The following SHANK2 variants were observed in gnomAD, a reference collection of about 807,000 sequenced individuals.
SHANK2 encodes the protein SH3 and multiple ankyrin repeat domains 2.
In SHANK2, 43 loss-of-function variants were observed where a neutral mutation model predicts 133.7. The ratio of observed to expected loss-of-function variants is 0.32; its 90% CI spans 0.25 to 0.41. SHANK2 has a LOEUF of 0.41. Ranked by LOEUF, SHANK2 falls within the 10% of genes least tolerant of loss-of-function variation. The pLI, the probability that SHANK2 is intolerant of heterozygous loss-of-function variation, is 1.00. For missense variants in SHANK2, 1,994 were observed against 2,235.8 expected, an observed-to-expected ratio of 0.89 and a Z score of 2.18; for synonymous variants, 1,017 against 952.8, an observed-to-expected ratio of 1.07 and a Z score of -1.24.
intron 2 of SHANK2, among the ~76,000 whole-genome samples, chr11:71,155,949 T>G (rs1161945487): frequency 4.6e-5 from 7 of 152,172 alleles, no homozygotes; most frequent in Non-Finnish European, 1.0e-4. Flanking sequence ...CCACAAGGTC[T>G]TACAGGTGGG....
At chr11:70,774,217 C>T (rs782596650) in intron 14 of SHANK2, among the ~76,000 whole-genome samples, 9 of 152,150 alleles carry the variant, frequency 5.9e-5, no homozygotes, top group Non-Finnish European at 1.3e-4. Flanking sequence ...AAGGACCCCA[C>T]ATGGATGATC....
chr11:71,196,628 G>C (rs1209170176), intron 2 of SHANK2, among the ~76,000 whole-genome samples: 1 of 151,860 alleles, frequency 6.6e-6, no homozygotes, highest in African/African-American at 2.4e-5. Flanking sequence ...GACTAGCAAG[G>C]TCCTAGAAAT....
At chr11:70,651,091 G>T (rs1008880880) in intron 17 of SHANK2, among the ~76,000 whole-genome samples, 1 of 152,200 alleles carries the variant, frequency 6.6e-6, no homozygotes, top group African/African-American at 2.4e-5. Context: ...GCAGAGCCTG[G>T]ATTCAAACCT....
chr11:70,605,510 CCA>C (rs1487624117), intron 17 of SHANK2, among the ~76,000 whole-genome samples: 1 of 152,236 alleles, frequency 6.6e-6, no homozygotes, highest in African/African-American at 2.4e-5. Flanking sequence ...CACGCTGGGA[CCA>C]CAGAGCCATG....
At chr11:70,926,485 A>G (rs1193931242) in intron 10 of SHANK2, among the ~76,000 whole-genome samples, 1 of 152,202 alleles carries the variant, frequency 6.6e-6, no homozygotes, top group African/African-American at 2.4e-5. Flanking sequence ...ACTATGACTC[A>G]GACATGAATG....
intron 14 of SHANK2, among the ~76,000 whole-genome samples, chr11:70,707,388 A>T (rs561941385): frequency 0.012 from 1,763 of 150,410 alleles, 53 homozygotes; most frequent in African/African-American, 0.041. Context: ...AAAAAAAAAA[A>T]AAAAAAAAAG....
chr11:71,102,128 G>A (rs1555096742), intron 6 of SHANK2, among the ~76,000 whole-genome samples: 2 of 152,150 alleles, frequency 1.3e-5, no homozygotes, highest in Non-Finnish European at 2.9e-5. Flanking sequence ...AAGATAAAAG[G>A]GCCAACCTAA....
At chr11:70,878,111 G>A (rs1246136358) in intron 11 of SHANK2, among the ~76,000 whole-genome samples, 2 of 152,228 alleles carry the variant, frequency 1.3e-5, no homozygotes, top group African/African-American at 4.8e-5. Flanking sequence ...ACACAGGAAG[G>A]AAGGTGTCGC....
Position 70,569,467 on chromosome 11 carries a change from T to C in SHANK2, c.2062-66536A>G, listed in dbSNP as rs2060015380. On this transcript the variant is annotated intron_variant, in intron 17 of 25. Coordinates refer to ENST00000601538, the MANE Select transcript of SHANK2 (RefSeq NM_012309.5). This position sits in a 1 kb window ranked among gnomAD's most constrained non-coding sequence, Gnocchi z 5.1. ...GCTGCTGTGCTGGGCAGAGGGTGGA[T>C]GGCGGGGTTGACCAACGATGAGGCC... is the stretch of plus-strand genomic sequence containing the variant. 1.3e-5 allele frequency among the ~76,000 whole-genome samples: 2 copies of C among 152,060 alleles called. No individual in the cohort carries two copies. Among genetic ancestry groups the C allele is most frequent in the Admixed American group, 1.3e-4 (2 of 15,274 alleles).
intron 10 of SHANK2, among the ~76,000 whole-genome samples, chr11:70,932,434 G>A (rs770574512): frequency 6.6e-6 from 1 of 152,244 alleles, no homozygotes; most frequent in Non-Finnish European, 1.5e-5. Flanking sequence ...GTGCGGCCCC[G>A]CTAAGGGAAG....
In SHANK2 at chr11:71,113,383, AAG is replaced by A. The variant is rs1305444297; in HGVS notation, c.412-21_412-20del. ...ATCGAAACTGGCACAGAAAACAAAAAAGAGAGAGAAAACAAGTCAATACTTCT... is the reference window on the plus strand; with the variant it reads ...ATCGAAACTGGCACAGAAAACAAAAAAGAGAGAAAACAAGTCAATACTTCT... On this transcript the variant is annotated intron_variant, in intron 4 of 25. Transcript: ENST00000601538. 15 of 1,550,524 alleles carry A rather than the reference AAG, an allele frequency of 9.7e-6. No homozygotes were observed. Among genetic ancestry groups the A allele is most frequent in the South Asian group, 2.4e-5 (2 of 84,040 alleles).
intron 17 of SHANK2, among the ~76,000 whole-genome samples, chr11:70,628,728 C>G (rs919899165): frequency 6.6e-6 from 1 of 152,230 alleles, no homozygotes; most frequent in Non-Finnish European, 1.5e-5. Flanking sequence ...GCTGTTAGCA[C>G]CGCCTCTGGG....
rs180713278 is a variant in SHANK2 at position 70,840,713 on chromosome 11, T to G, written c.1175-20031A>C. Among the ~76,000 whole-genome samples, 71 of 152,160 alleles carry G rather than the reference T, an allele frequency of 4.7e-4. No individual in the cohort carries two copies. In the East Asian group the frequency reaches 0.013, roughly 27 times the overall value. On this transcript the variant is annotated intron_variant, in intron 11 of 25. Transcript: ENST00000601538. The stretch of plus-strand genomic sequence containing the variant: ...AGGGCTCTTCCAGGAAGTGGGAGCC[T>G]GGGGAGGGCTGGGGGGCCATATCGG...
At chr11:70,477,085 G>A (rs782773761) in intron 25 of SHANK2, among the ~76,000 whole-genome samples, 1 of 152,202 alleles carries the variant, frequency 6.6e-6, no homozygotes, top group Non-Finnish European at 1.5e-5. Context: ...CAAACACCTC[G>A]GTGGGCAGCG....
chr11:70,485,871 G>A lies in SHANK2; in HGVS notation c.4422C>T (p.Ala1474=), dbSNP rs1169771156. ...KPASLSNCLP[A]SFLPPPESFD... is the part of the protein sequence containing the mutation. ...AGCTTTCAGGGGGTGGCAGGAATGA[G>A]GCAGGCAGACAGTTTGAAAGACTGG... Residue 1474 remains alanine (A), a synonymous_variant, in exon 25 of 26, where the codon GCC becomes GCT. Transcript: ENST00000601538. The surrounding 1 kb of genome is among the most constrained non-coding windows in gnomAD (Gnocchi z 5.8). The A allele has an allele frequency of 1.9e-6, 3 of 1,614,004 alleles. No homozygotes were observed. Among genetic ancestry groups the A allele is most frequent in the Admixed American group, 3.3e-5 (2 of 60,004 alleles).
chr11:70,831,970 A>G (rs747215458), intron 11 of SHANK2, among the ~76,000 whole-genome samples: 25 of 152,236 alleles, frequency 1.6e-4, no homozygotes, highest in Non-Finnish European at 3.1e-4. Context: ...AAGTAGGAAT[A>G]GCACAACTTA....
rs114405785 is a variant in SHANK2 at position 70,954,197 on chromosome 11, G to A, written c.1108-57630C>T. 7.5e-3 allele frequency among the ~76,000 whole-genome samples: 1,136 copies of A among 152,344 alleles called. 16 individuals carry two copies. The highest frequency in any genetic ancestry group is 0.026 in the African/African-American group (1,100 of 41,584). ...AAGGCACAACCAAACAGTCTTGTTGGGGCTCATTTAACAAGGAAAGAAACT... is the reference window on the plus strand; with the variant it reads ...AAGGCACAACCAAACAGTCTTGTTGAGGCTCATTTAACAAGGAAAGAAACT... On this transcript the variant is annotated intron_variant, in intron 10 of 25. Transcript: ENST00000601538.
At chr11:71,078,725 G>T (rs913992568) in intron 8 of SHANK2, among the ~76,000 whole-genome samples, 1 of 152,184 alleles carries the variant, frequency 6.6e-6, no homozygotes, top group Non-Finnish European at 1.5e-5. Flanking sequence ...CCTTTCCCTG[G>T]CAATGGCCTG....
chr11:70,477,067 A>C (rs982098409), intron 25 of SHANK2, among the ~76,000 whole-genome samples: 6 of 152,154 alleles, frequency 3.9e-5, no homozygotes, highest in Non-Finnish European at 7.3e-5. Flanking sequence ...AGCGAAGAGG[A>C]GGCTCTGCAA....
Sources: allele counts gnomAD v4.1 joint callset (sites outside exome capture counted in the v4.1 genomes callset), GRCh38; gene constraint gnomAD v4.1.1; non-coding constraint Gnocchi (gnomAD v3.1); transcripts MANE v1.5; gene names NCBI Gene and HGNC (gene_info 2026-07-23, HGNC 2026-07-21).